ST6GALNAC5: variants seen among roughly 807,000 people sequenced by gnomAD.
ST6GALNAC5 encodes ST6 N-acetylgalactosaminide alpha-2,6-sialyltransferase 5.
In ST6GALNAC5, 27 loss-of-function variants were observed where a neutral mutation model predicts 33.6. The ratio of observed to expected loss-of-function variants is 0.80; its 90% CI spans 0.59 to 1.11. ST6GALNAC5 has a LOEUF of 1.11. ST6GALNAC5 is among the 50% of genes least tolerant of loss of function. The probability of loss-of-function intolerance (pLI) is 0.00; values close to 1 mark genes in which losing one functional copy is unlikely to be tolerated. For missense variants in ST6GALNAC5, 428 were observed against 454.0 expected, an observed-to-expected ratio of 0.94 and a Z score of 0.52; for synonymous variants, 194 against 171.2, an observed-to-expected ratio of 1.13 and a Z score of -1.04.
At chr1:77,055,687 T>A (rs1652372286) in intron 4 of ST6GALNAC5, among the ~76,000 whole-genome samples, 1 of 152,182 alleles carries the variant, frequency 6.6e-6, no homozygotes, top group Admixed American at 6.5e-5. Flanking sequence ...TAGCCCCCTG[T>A]CTGAGTCAGA....
At chr1:76,896,422 T>C (rs1453378429) in intron 2 of ST6GALNAC5, among the ~76,000 whole-genome samples, 4 of 152,156 alleles carry the variant, frequency 2.6e-5, no homozygotes, top group African/African-American at 9.7e-5. Flanking sequence ...TCCTTGAGGA[T>C]AGATTTCCAC....
intron 2 of ST6GALNAC5, among the ~76,000 whole-genome samples, chr1:76,873,025 T>C (rs1227357874): frequency 6.6e-6 from 1 of 152,228 alleles, no homozygotes; most frequent in African/African-American, 2.4e-5. Context: ...ACTTCCCACA[T>C]GGGTAATTTC....
At chr1:76,883,732 T>C (rs987508211) in intron 2 of ST6GALNAC5, among the ~76,000 whole-genome samples, 7 of 152,198 alleles carry the variant, frequency 4.6e-5, no homozygotes, top group African/African-American at 1.7e-4. Context: ...ATCCAGTTTA[T>C]AGAAGAGAAA....
intron 2 of ST6GALNAC5, among the ~76,000 whole-genome samples, chr1:77,034,047 G>A (rs1651560595): frequency 2.0e-5 from 3 of 152,128 alleles, no homozygotes; most frequent in Non-Finnish European, 2.9e-5. Flanking sequence ...CTTGTTGGTG[G>A]CAAAGTATTA....
intron 2 of ST6GALNAC5, among the ~76,000 whole-genome samples, chr1:77,000,540 G>A (rs1261588302): frequency 2.1e-5 from 3 of 140,738 alleles, no homozygotes; most frequent in African/African-American, 7.7e-5. Context: ...CATTGCTTTT[G>A]GTGTTTTGGA....
At chr1:76,922,938 A>T (rs1035755942) in intron 2 of ST6GALNAC5, among the ~76,000 whole-genome samples, 9 of 150,402 alleles carry the variant, frequency 6.0e-5, no homozygotes, top group Non-Finnish European at 1.3e-4. Context: ...CTTGCCTCAA[A>T]AAAAAAAAAA....
At chr1:76,996,789 G>C (rs969934256) in intron 2 of ST6GALNAC5, among the ~76,000 whole-genome samples, 1 of 152,176 alleles carries the variant, frequency 6.6e-6, no homozygotes, top group South Asian at 2.1e-4. Context: ...CCTTATTCCA[G>C]TGTTAGTGTC....
intron 2 of ST6GALNAC5, among the ~76,000 whole-genome samples, chr1:76,883,669 C>T (rs1206226565): frequency 6.6e-6 from 1 of 152,134 alleles, no homozygotes; most frequent in Non-Finnish European, 1.5e-5. Flanking sequence ...GCAGGCAGGC[C>T]CAGGCTATTT....
chr1:77,048,912 G>T (rs1652106347), intron 3 of ST6GALNAC5, among the ~76,000 whole-genome samples: 2 of 151,574 alleles, frequency 1.3e-5, no homozygotes, highest in African/African-American at 4.9e-5. Context: ...AGGTCATCCA[G>T]CTGGTTATGA....
At chr1:76,954,099 T>C (rs1647856425) in intron 2 of ST6GALNAC5, among the ~76,000 whole-genome samples, 2 of 152,144 alleles carry the variant, frequency 1.3e-5, no homozygotes, top group Non-Finnish European at 2.9e-5. Flanking sequence ...AGTAGTCATA[T>C]GGATGGTTAG....
intron 2 of ST6GALNAC5, among the ~76,000 whole-genome samples, chr1:76,880,343 C>T (rs1653749369): frequency 6.6e-6 from 1 of 152,114 alleles, no homozygotes; most frequent in Non-Finnish European, 1.5e-5. Flanking sequence ...AGCCAACTTC[C>T]CCAAAACCAA....
chr1:76,916,812 G>A (rs926670878), intron 2 of ST6GALNAC5, among the ~76,000 whole-genome samples: 1 of 151,974 alleles, frequency 6.6e-6, no homozygotes, highest in African/African-American at 2.4e-5. Context: ...ATGGCTTCAC[G>A]TTCCAAACAA....
chr1:76,945,386 A>G (rs1647481343), intron 2 of ST6GALNAC5, among the ~76,000 whole-genome samples: 1 of 152,036 alleles, frequency 6.6e-6, no homozygotes, highest in Non-Finnish European at 1.5e-5. Flanking sequence ...AACAGACAAA[A>G]CCCAAACAAA....
chr1:76,899,149 G>A (rs568907449), intron 2 of ST6GALNAC5, among the ~76,000 whole-genome samples: 39 of 152,192 alleles, frequency 2.6e-4, no homozygotes, highest in Non-Finnish European at 4.9e-4. Flanking sequence ...GGGGTCAAGC[G>A]GCATTGCAGA....
chr1:76,903,689 C>T (rs1034250383), intron 2 of ST6GALNAC5, among the ~76,000 whole-genome samples: 2 of 152,036 alleles, frequency 1.3e-5, no homozygotes, highest in African/African-American at 2.4e-5. Flanking sequence ...TATGGCGTAT[C>T]CATACAATTA....
At chr1:76,948,354 T>G (rs569045965) in intron 2 of ST6GALNAC5, among the ~76,000 whole-genome samples, 2 of 152,268 alleles carry the variant, frequency 1.3e-5, no homozygotes, top group African/African-American at 4.8e-5. Context: ...CTCATCTGGC[T>G]TAACAGCCAG....
chr1:76,921,576 T>C (rs1292952287), intron 2 of ST6GALNAC5, among the ~76,000 whole-genome samples: 1 of 152,142 alleles, frequency 6.6e-6, no homozygotes, highest in African/African-American at 2.4e-5. Flanking sequence ...TGTGAGCAGC[T>C]TTACATTCAT....
intron 2 of ST6GALNAC5, among the ~76,000 whole-genome samples, chr1:76,893,820 C>A (rs1654064717): frequency 6.6e-6 from 1 of 152,076 alleles, no homozygotes; most frequent in Non-Finnish European, 1.5e-5. Context: ...GCCACCAAAT[C>A]CGGCTAATTT....
chr1:76,968,797 A>G (rs1648612119), intron 2 of ST6GALNAC5, among the ~76,000 whole-genome samples: 1 of 152,098 alleles, frequency 6.6e-6, no homozygotes, highest in Admixed American at 6.6e-5. Context: ...ATCTCTCAGA[A>G]TTTGCTGTCT....
Sources: gnomAD v4.1 joint callset for allele counts (sites outside exome capture counted in the v4.1 genomes callset) on GRCh38, gnomAD v4.1.1 for gene constraint, MANE v1.5 for transcripts, NCBI Gene and HGNC (gene_info 2026-07-23, HGNC 2026-07-21) for gene names.